The following HOMER2 variants were observed in gnomAD, a reference collection of about 807,000 sequenced individuals.
HOMER2 encodes homer protein homolog 2.
In HOMER2, 27 loss-of-function variants were observed where a neutral mutation model predicts 47.0. The observed-to-expected ratio is 0.57, with a 90% CI of 0.42 to 0.79. The LOEUF (loss-of-function observed/expected upper bound fraction) is 0.79, where lower values mean the gene tolerates loss of function less well. HOMER2 is among the 30% of genes least tolerant of loss of function. The pLI is 0.00. For missense variants in HOMER2, 443 were observed against 435.0 expected (o/e 1.02, Z -0.16); for synonymous variants, 161 against 163.8 (o/e 0.98, Z 0.13).
At position 82,864,205 on chromosome 15, in the gene HOMER2, T is replaced by C. The variant is rs758347968; in HGVS notation, c.349A>G (p.Thr117Ala). 1 of 1,612,332 alleles carries C rather than the reference T, an allele frequency of 6.2e-7. No homozygotes were observed. Among genetic ancestry groups the C allele is most frequent in the East Asian group, 2.2e-5 (1 of 44,832 alleles). Residue 117 changes from threonine (T) to alanine (A), a missense_variant, in exon 4 of 9, where the codon ACG (threonine) becomes GCG (alanine). Coordinates refer to ENST00000450735, the MANE Select transcript of HOMER2 (RefSeq NM_004839.4). ...CTTGAGGTCTCGATTTTCTCCTGCG[T>C]CTTGTCTTTGGCTATCTTGGCAGCT... ...KEAAKIAKDKTQEKIETSSNH... is the reference protein window; with the variant it reads ...KEAAKIAKDKAQEKIETSSNH...
intron 1 of HOMER2, among the ~76,000 whole-genome samples, chr15:82,900,188 A>T (rs1353268665): frequency 3.3e-5 from 5 of 151,926 alleles, no homozygotes. Context: ...CCAGCCACTC[A>T]GGAGGCTGAG....
chr15:82,874,514 C>G (rs903618393), intron 3 of HOMER2, among the ~76,000 whole-genome samples: 8 of 152,200 alleles, frequency 5.3e-5, no homozygotes, highest in African/African-American at 1.9e-4. Flanking sequence ...TCTTGAGGTT[C>G]TCCAAGTCTG....
At chr15:82,865,037 T>TC (rs2051921312) in intron 3 of HOMER2, among the ~76,000 whole-genome samples, 1 of 152,212 alleles carries the variant, frequency 6.6e-6, no homozygotes, top group South Asian at 2.1e-4. Flanking sequence ...GCACAGGCTA[T>TC]CCTCTGAGTA....
chr15:82,901,930 C>A (rs565568229), intron 1 of HOMER2, among the ~76,000 whole-genome samples: 1 of 152,188 alleles, frequency 6.6e-6, no homozygotes, highest in Non-Finnish European at 1.5e-5. Context: ...GTCGTGTTAG[C>A]CACAACACAG....
chr15:82,847,366 T>C (rs1016828216), downstream of HOMER2: 3 of 152,244 alleles, frequency 2.0e-5, no homozygotes, highest in Non-Finnish European at 4.4e-5. Flanking sequence ...CCAACTTACC[T>C]TTCCCTTTAA....
At chr15:82,846,329 A>AT (rs960762802), downstream of HOMER2, 2 of 152,272 alleles carry the variant, frequency 1.3e-5, no homozygotes, top group African/African-American at 4.8e-5. Context: ...TCTTGGAAAG[A>AT]TTCCTGCAAA....
chr15:82,912,759 C>T (rs1460075709), intron 1 of HOMER2, among the ~76,000 whole-genome samples: 2 of 152,170 alleles, frequency 1.3e-5, no homozygotes, highest in African/African-American at 4.8e-5. Context: ...TTGTTATTGT[C>T]TGTCTTTTTG....
chr15:82,951,666 T>C (rs2054508721), intron 1 of HOMER2, among the ~76,000 whole-genome samples: 1 of 152,258 alleles, frequency 6.6e-6, no homozygotes, highest in Non-Finnish European at 1.5e-5. Flanking sequence ...CGTCAGGCAG[T>C]GGCAAGGCCA....
chr15:82,942,809 C>T (rs896465112), intron 1 of HOMER2, among the ~76,000 whole-genome samples: 9 of 152,048 alleles, frequency 5.9e-5, no homozygotes, highest in South Asian at 2.1e-4. Flanking sequence ...CTCTGGCTGG[C>T]GACATTCCTC....
At chr15:82,889,298 G>A (rs1302164666) in intron 2 of HOMER2, among the ~76,000 whole-genome samples, 3 of 149,442 alleles carry the variant, frequency 2.0e-5, no homozygotes, top group East Asian at 3.8e-4. Context: ...CAGCCCAGGT[G>A]CATCCATTCC....
intron 2 of HOMER2, 72 bp downstream of exon 2, chr15:82,892,613 G>T: frequency 1.7e-6 from 2 of 1,202,436 alleles, no homozygotes; most frequent in Non-Finnish European, 2.3e-6. Context: ...TGTTAAGACG[G>T]CAGGATTTTG....
chr15:82,840,324 T>C (rs1313287134), exon 2 of HOMER2: 1 of 151,884 alleles, frequency 6.6e-6, no homozygotes, highest in East Asian at 1.9e-4. Context: ...AAAAGATCAA[T>C]GAAACAGAGT....
downstream of HOMER2, chr15:82,844,309 C>T (rs2051210178): frequency 6.6e-6 from 1 of 152,140 alleles, no homozygotes; most frequent in African/African-American, 2.4e-5. Flanking sequence ...AGTCAATATT[C>T]TGAAAAGTTC....
At chr15:82,926,299 T>A (rs1360571288) in intron 1 of HOMER2, 1 of 152,280 alleles carries the variant, frequency 6.6e-6, no homozygotes, top group African/African-American at 2.4e-5. Context: ...ATACTCTCAC[T>A]GTATCCTCAT....
At chr15:82,926,881 C>T (rs1235149413) in intron 1 of HOMER2, among the ~76,000 whole-genome samples, 1 of 152,068 alleles carries the variant, frequency 6.6e-6, no homozygotes, top group Non-Finnish European at 1.5e-5. Context: ...TCCCCAAATG[C>T]CTGCACCTTG....
At chr15:82,966,976 G>T (rs1742083561) in intron 1 of HOMER2, among the ~76,000 whole-genome samples, 1 of 152,194 alleles carries the variant, frequency 6.6e-6, no homozygotes, top group Non-Finnish European at 1.5e-5. Flanking sequence ...GGATGTTTGT[G>T]GCTGGATACG....
intron 1 of HOMER2, among the ~76,000 whole-genome samples, chr15:82,969,727 C>CT (rs1467438663): frequency 7.9e-5 from 12 of 152,170 alleles, no homozygotes; most frequent in Non-Finnish European, 1.5e-4. Context: ...TGAAAATTAT[C>CT]TTTATGAAAT....
Position 82,952,700 on chromosome 15 carries a change from G to GCCGCCA in HOMER2, c.-171_-166dup. 2 of 983,786 alleles carry GCCGCCA rather than the reference G, an allele frequency of 2.0e-6. No individual in the cohort carries two copies. The highest frequency in any genetic ancestry group is 2.4e-6 in the Non-Finnish European group (2 of 830,154). 60.9% of individuals were successfully genotyped at this position (983,786 alleles called of 1,614,324 possible). ...CTGCGCGGCTGCCACTGCTGCCACT[G>GCCGCCA]CCGCCACCGCCGCCAGGCGCGGGCG... On this transcript the variant is annotated 5_prime_UTR_variant, in exon 1 of 9. Coordinates refer to ENST00000450735, the MANE Select transcript of HOMER2 (RefSeq NM_004839.4).
Position 82,952,596 on chromosome 15 carries a change from C to G in HOMER2, c.-61G>C. On this transcript the variant is annotated 5_prime_UTR_variant, in exon 1 of 9. Transcript: ENST00000450735. The stretch of plus-strand genomic sequence containing the variant: ...CTCTCGCGCTCGCTCTCCGCCCGCT[C>G]GGCAGCCGCTCCCCGCGCGGCACAT... 8.9e-7 allele frequency: 1 copy of G among 1,126,706 alleles called. No individual in the cohort carries two copies. Among genetic ancestry groups the G allele is most frequent in the Non-Finnish European group, 1.1e-6 (1 of 921,230 alleles). 69.8% of individuals were successfully genotyped at this position (1,126,706 alleles called of 1,614,324 possible). A position where few individuals can be genotyped will look rare whatever the true frequency, so the allele number is the denominator to read the frequency against.
Sources: allele counts gnomAD v4.1 joint callset (sites outside exome capture counted in the v4.1 genomes callset), GRCh38; gene constraint gnomAD v4.1.1; transcripts MANE v1.5; gene names NCBI Gene and HGNC (gene_info 2026-07-23, HGNC 2026-07-21).